Variants in CPED1 observed in about 807,000 individuals in gnomAD.
CPED1 encodes the protein cadherin-like and PC-esterase domain-containing protein 1.
A neutral mutation model predicts 128.2 loss-of-function variants in CPED1; 114 were observed. The observed-to-expected ratio is 0.89, with a 90% confidence interval of 0.76 to 1.04. The LOEUF (loss-of-function observed/expected upper bound fraction) is 1.04, where lower values mean the gene tolerates loss of function less well. Among genes scored for constraint, CPED1 ranks in the 50% least tolerant of loss-of-function variants. The pLI is 0.00. For missense variants in CPED1, 1,211 were observed against 1,207.1 expected, an observed-to-expected ratio of 1.00 and a Z score of -0.05; for synonymous variants, 462 against 426.7, an observed-to-expected ratio of 1.08 and a Z score of -1.02.
intron 16 of CPED1, among the ~76,000 whole-genome samples, chr7:121,179,541 GT>G (rs926018718): frequency 1.3e-5 from 2 of 152,028 alleles, no homozygotes; most frequent in African/African-American, 4.8e-5. Flanking sequence ...AGAAACAGAA[GT>G]TTTTTTCATG....
At chr7:121,010,879 C>T (rs1792148251) in intron 2 of CPED1, among the ~76,000 whole-genome samples, 1 of 152,194 alleles carries the variant, frequency 6.6e-6, no homozygotes, top group East Asian at 1.9e-4. Flanking sequence ...GCAATTATAA[C>T]ATAAGTTTTA....
At chr7:121,166,218 T>G (rs1796522645) in intron 16 of CPED1, among the ~76,000 whole-genome samples, 1 of 152,176 alleles carries the variant, frequency 6.6e-6, no homozygotes, top group Non-Finnish European at 1.5e-5. Flanking sequence ...ATCAGAAGAT[T>G]TGAATCTATG....
At chr7:121,049,145 A>G (rs1002609876) in intron 4 of CPED1, among the ~76,000 whole-genome samples, 1 of 152,250 alleles carries the variant, frequency 6.6e-6, no homozygotes, top group Non-Finnish European at 1.5e-5. Flanking sequence ...ACTCATAAAG[A>G]TGTATCTGAA....
At chr7:120,998,474 T>G (rs549738469) in intron 2 of CPED1, among the ~76,000 whole-genome samples, 1 of 152,312 alleles carries the variant, frequency 6.6e-6, no homozygotes, top group South Asian at 2.1e-4. Flanking sequence ...TTAAAGTGTC[T>G]GGCAGATAGA....
chr7:121,225,111 C>G (rs1263201739), intron 16 of CPED1, among the ~76,000 whole-genome samples: 1 of 152,040 alleles, frequency 6.6e-6, no homozygotes, highest in Non-Finnish European at 1.5e-5. Flanking sequence ...GTGGCTGGTA[C>G]CGGTTGTTTC....
intron 5 of CPED1, among the ~76,000 whole-genome samples, chr7:121,081,275 ATCT>A (rs1380283205): frequency 6.6e-6 from 1 of 152,158 alleles, no homozygotes; most frequent in African/African-American, 2.4e-5. Flanking sequence ...CCTTAATAGA[ATCT>A]TAGAGTCTTT....
At chr7:121,290,377 A>C (rs1257967682) in intron 22 of CPED1, among the ~76,000 whole-genome samples, 1 of 152,210 alleles carries the variant, frequency 6.6e-6, no homozygotes, top group Non-Finnish European at 1.5e-5. Flanking sequence ...TTGAGGAATC[A>C]CCACACTGTC....
intron 16 of CPED1, among the ~76,000 whole-genome samples, chr7:121,202,209 C>T (rs1214263850): frequency 1.3e-5 from 2 of 152,142 alleles, no homozygotes; most frequent in African/African-American, 4.8e-5. Flanking sequence ...CCAAAGAATG[C>T]AGCAGGCTGA....
At chr7:121,043,168 T>G (rs1190363697) in intron 3 of CPED1, among the ~76,000 whole-genome samples, 1 of 150,840 alleles carries the variant, frequency 6.6e-6, no homozygotes, top group African/African-American at 2.4e-5. Context: ...AACGAGAGAG[T>G]GTGAATGAAA....
intron 16 of CPED1, among the ~76,000 whole-genome samples, chr7:121,229,794 T>C (rs1032524204): frequency 1.3e-5 from 2 of 152,070 alleles, no homozygotes; most frequent in African/African-American, 4.8e-5. Flanking sequence ...TTCTAAAATG[T>C]TTGTTTTTTT....
rs571589254 is a variant in CPED1, at chr7:121,129,414, C to T, written c.1408-711C>T. Among the ~76,000 whole-genome samples the T allele has an allele frequency of 2.1e-4, 31 of 148,948 alleles. 1 individual carries two copies. In the East Asian group the frequency reaches 5.5e-3, roughly 26 times the overall value. ...TAAGTTAATTAATGAGTGTTTGATA[C>T]TCCTTTTTCTAATTTGGTCCCAAAT... On this transcript the variant is annotated intron_variant, in intron 11 of 22. Transcript: ENST00000310396.
chr7:121,207,825 G>A (rs1029285367), intron 16 of CPED1, among the ~76,000 whole-genome samples: 1 of 151,982 alleles, frequency 6.6e-6, no homozygotes, highest in African/African-American at 2.4e-5. Flanking sequence ...GGGAATGGGT[G>A]TGTTTTTGGA....
chr7:121,288,313 A>G (rs984424913), intron 22 of CPED1, among the ~76,000 whole-genome samples: 5 of 152,218 alleles, frequency 3.3e-5, no homozygotes, highest in Non-Finnish European at 7.3e-5. Flanking sequence ...AGGGAAACCA[A>G]GTGAATTAAG....
intron 16 of CPED1, among the ~76,000 whole-genome samples, chr7:121,145,023 T>C (rs1228414613): frequency 6.6e-6 from 1 of 151,554 alleles, no homozygotes. Flanking sequence ...TGGGTGCTGG[T>C]TACATATATA....
At chr7:121,072,136 G>A (rs1222255267) in intron 5 of CPED1, among the ~76,000 whole-genome samples, 2 of 148,694 alleles carry the variant, frequency 1.3e-5, no homozygotes, top group Non-Finnish European at 3.0e-5. Flanking sequence ...TTTCACACTA[G>A]CGCTTAAGCC....
chr7:121,219,607 A>G (rs1797832848), intron 16 of CPED1, among the ~76,000 whole-genome samples: 1 of 152,006 alleles, frequency 6.6e-6, no homozygotes, highest in Non-Finnish European at 1.5e-5. Context: ...ATTCTTTCAC[A>G]GTATAATGAA....
chr7:121,047,317 C>A (rs1336176892), intron 4 of CPED1, among the ~76,000 whole-genome samples: 2 of 152,010 alleles, frequency 1.3e-5, no homozygotes, highest in African/African-American at 4.8e-5. Context: ...TTTTTAGATG[C>A]CTTTTCTAAT....
At chr7:121,294,403 A>G (rs1042042963) in intron 22 of CPED1, among the ~76,000 whole-genome samples, 2 of 152,124 alleles carry the variant, frequency 1.3e-5, no homozygotes, top group Non-Finnish European at 2.9e-5. Flanking sequence ...GGGAAGATCT[A>G]TGCACACCTA....
At chr7:121,252,189 A>C (rs1798688395) in intron 18 of CPED1, among the ~76,000 whole-genome samples, 2 of 151,480 alleles carry the variant, frequency 1.3e-5, no homozygotes, top group South Asian at 4.2e-4. Context: ...TCTTTGACAA[A>C]CCTGACAAAA....
Sources: allele counts gnomAD v4.1 joint callset (sites outside exome capture counted in the v4.1 genomes callset), GRCh38; gene constraint gnomAD v4.1.1; transcripts MANE v1.5; gene names NCBI Gene and HGNC (gene_info 2026-07-23, HGNC 2026-07-21).